The following MED25 variants were observed in gnomAD, a reference collection of about 807,000 sequenced individuals.
MED25 encodes the protein mediator of RNA polymerase II transcription subunit 25.
In MED25, 62 loss-of-function variants were observed where a neutral mutation model predicts 89.4. The observed-to-expected ratio is 0.69, with a 90% CI of 0.57 to 0.86. The LOEUF is 0.86. Among genes scored for constraint, MED25 ranks in the 40% least tolerant of loss-of-function variants. The pLI is 0.00. For synonymous variants in MED25, 449 were observed against 427.9 expected (o/e 1.05, Z -0.61); for missense variants, 905 against 1,005.2 (o/e 0.90, Z 1.35).
In MED25 at chr19:49,831,340, C is replaced by T. The variant is rs761899149; in HGVS notation, c.1109C>T (p.Thr370Ile). The T allele has an allele frequency of 6.0e-5, 97 of 1,611,244 alleles. No individual in the cohort carries two copies. The highest frequency in any genetic ancestry group is 8.1e-5 in the Non-Finnish European group (95 of 1,179,050). The stretch of plus-strand genomic sequence containing the variant: ...CTTCCTCCCCTCTGGCAGGCAGGCA[C>T]TGTGGCCCCAGGAGGGGTGAGCGGC... ...AQPGAPSMAG[T>I]VAPGGVSGPS... Residue 370 changes from threonine (T) to isoleucine (I), a missense_variant, in exon 10 of 18, where the codon ACT becomes ATT. By Grantham distance (89) the Thr-to-Ile change is moderately conservative. This residue lies in a region of MED25 where 501 missense variants were observed against 526.9 expected (regional missense o/e 0.95). Coordinates refer to ENST00000312865, the MANE Select transcript of MED25 (RefSeq NM_030973.4). This position sits in a 1 kb window ranked among gnomAD's most constrained non-coding sequence, Gnocchi z 5.0.
chr19:49,819,510 C>T, intron 3 of MED25: 1 of 578,154 alleles, frequency 1.7e-6, no homozygotes, highest in Non-Finnish European at 3.1e-6. Flanking sequence ...TGGGTTTGAG[C>T]TGCAGGAAAC....
chr19:49,820,648 A>T (rs763111578), intron 3 of MED25, among the ~76,000 whole-genome samples: 1 of 152,256 alleles, frequency 6.6e-6, no homozygotes, highest in Non-Finnish European at 1.5e-5. Flanking sequence ...TTTAGATAGT[A>T]TTATCAAGAC....
rs2073956532 is a variant in MED25 at position 49,818,626 on chromosome 19, G to C, written c.180+10G>C. The C allele has an allele frequency of 1.2e-6, 2 of 1,612,738 alleles. No homozygotes were observed. The highest frequency in any genetic ancestry group is 1.3e-5 in the African/African-American group (1 of 74,892). On this transcript the variant is annotated intron_variant, in intron 2 of 17. Transcript: ENST00000312865. ...GGACTTCGGGGGAGACGTGAGTCTAGGGACTCCTGGGCCTGAGGGAGGAGG... is the reference window on the plus strand; with the variant it reads ...GGACTTCGGGGGAGACGTGAGTCTACGGACTCCTGGGCCTGAGGGAGGAGG...
intron 3 of MED25, among the ~76,000 whole-genome samples, chr19:49,827,899 G>T (rs2074025865): frequency 6.6e-6 from 1 of 152,046 alleles, no homozygotes; most frequent in African/African-American, 2.4e-5. Context: ...GGGGTCCCCA[G>T]CCCTTTCCCA....
At chr19:49,819,362 TG>T (rs11361316) in intron 3 of MED25, 66 bp downstream of exon 3, 56,368 of 1,401,648 alleles carry the variant, frequency 0.04, 3,587 homozygotes, top group Non-Finnish European at 0.045. Context: ...AGTGATGGCT[TG>T]GGGTGGTTGG....
At position 49,836,483 on chromosome 19, in the gene MED25, T is replaced by C; in HGVS notation, c.2146+77T>C. On this transcript the variant is annotated intron_variant, in intron 17 of 17. Transcript: ENST00000312865. The surrounding 1 kb of genome is among the most constrained non-coding windows in gnomAD (Gnocchi z 5.1). ...CCTGGGCTAGAGCACCAAGACCGAG[T>C]GCTCCTGGGAAGTAAAGACATAGGA... is the stretch of plus-strand genomic sequence containing the variant. The C allele has an allele frequency of 6.7e-7, 1 of 1,497,978 alleles. No individual in the cohort carries two copies. Among genetic ancestry groups the C allele is most frequent in the Non-Finnish European group, 9.1e-7 (1 of 1,099,234 alleles). 92.8% of individuals were successfully genotyped at this position (1,497,978 alleles called of 1,614,324 possible). A position where few individuals can be genotyped will look rare whatever the true frequency, so the allele number is the denominator to read the frequency against.
At chr19:49,837,130 G>A (rs181676455), downstream of MED25, 699 of 654,774 alleles carry the variant, frequency 1.1e-3, 10 homozygotes, top group East Asian at 0.019. Context: ...GCAGTCTGGT[G>A]CAACCTGATT....
At position 49,836,963 on chromosome 19, in the gene MED25, A is replaced by G. The variant is rs1477765052; in HGVS notation, c.*19A>G. ...CATCTGAATCCCCAACACCCAATAAAGTTCCTTTTTAACACACGCCCCGGC... is the reference window on the plus strand; with the variant it reads ...CATCTGAATCCCCAACACCCAATAAGGTTCCTTTTTAACACACGCCCCGGC... On this transcript the variant is annotated 3_prime_UTR_variant, in exon 18 of 18. Coordinates refer to ENST00000312865, the MANE Select transcript of MED25 (RefSeq NM_030973.4). This position sits in a 1 kb window ranked among gnomAD's most constrained non-coding sequence, Gnocchi z 5.1. 6.2e-7 allele frequency: 1 copy of G among 1,601,318 alleles called. No individual in the cohort carries two copies. The highest frequency in any genetic ancestry group is 8.5e-7 in the Non-Finnish European group (1 of 1,170,790).
At chr19:49,838,625 A>G (rs1312873358), downstream of MED25, 3 of 457,384 alleles carry the variant, frequency 6.6e-6, no homozygotes, top group Non-Finnish European at 1.3e-5. Context: ...TTTCGAGAAA[A>G]ATGGGAGCGA....
chr19:49,827,327 T>C (rs570886561), intron 3 of MED25, among the ~76,000 whole-genome samples: 2 of 152,262 alleles, frequency 1.3e-5, no homozygotes, highest in Non-Finnish European at 2.9e-5. Context: ...GTGTGTTAGT[T>C]TCCCAGGCTG....
intron 3 of MED25, among the ~76,000 whole-genome samples, chr19:49,826,210 G>A (rs1253054916): frequency 1.3e-5 from 2 of 152,154 alleles, no homozygotes; most frequent in African/African-American, 4.8e-5. Context: ...GCGTGGTGGC[G>A]GGCACCTGTG....
At chr19:49,828,004 T>G (rs190245519) in intron 3 of MED25, among the ~76,000 whole-genome samples, 2 of 152,024 alleles carry the variant, frequency 1.3e-5, no homozygotes, top group Non-Finnish European at 2.9e-5. Flanking sequence ...CTGAGGCAAG[T>G]GGATCATGAG....
At chr19:49,837,605 T>A (rs2074108655), downstream of MED25, among the ~76,000 whole-genome samples, 1 of 151,532 alleles carries the variant, frequency 6.6e-6, no homozygotes, top group Non-Finnish European at 1.5e-5. Context: ...CCAGGAAAGG[T>A]GAGGCTGGGT....
chr19:49,826,266 G>A (rs1311824290), intron 3 of MED25, among the ~76,000 whole-genome samples: 2 of 152,322 alleles, frequency 1.3e-5, no homozygotes, highest in East Asian at 1.9e-4. Context: ...GCGTGAATCC[G>A]GGAGGCGGAG....
rs1408313838 is a variant in MED25 at position 49,829,962 on chromosome 19, A to T, written c.688+14A>T. The stretch of plus-strand genomic sequence containing the variant: ...TCGTGCTGCCTGGTGAGGCCTGGGC[A>T]CCGTGCGCGGGGATGGGGGCTCGAC... On this transcript the variant is annotated intron_variant, in intron 6 of 17. Coordinates refer to ENST00000312865, the MANE Select transcript of MED25 (RefSeq NM_030973.4). This position sits in a 1 kb window ranked among gnomAD's most constrained non-coding sequence, Gnocchi z 4.6. 6.2e-7 allele frequency: 1 copy of T among 1,607,112 alleles called. No homozygotes were observed. Among genetic ancestry groups the T allele is most frequent in the African/African-American group, 1.3e-5 (1 of 74,804 alleles).
rs184540539 is a variant in MED25 at position 49,822,763 on chromosome 19, T to G, written c.305+3467T>G. On this transcript the variant is annotated intron_variant, in intron 3 of 17. Transcript: ENST00000312865. ...CCCGAGTTCACGCCATTCTCCTGCC[T>G]CAGCCTCCTGAGTAGCTGGGACTAC... is the stretch of plus-strand genomic sequence containing the variant. Among the ~76,000 whole-genome samples, 60 of 145,028 alleles carry G rather than the reference T, an allele frequency of 4.1e-4. 1 individual carries two copies. The East Asian group carries it at 0.012, about 30-fold the overall frequency.
At position 49,829,025 on chromosome 19, in the gene MED25, C is replaced by A. The variant is rs760298498; in HGVS notation, c.460C>A (p.Pro154Thr). ...LICNSPPYLL[P>T]AVESTTYSGC... Reference sequence around the variant, plus strand: ...CTGCAACTCACCCCCATACTTGTTGCCTGCTGTTGAGAGCACCACGTACTC... The same window carrying A: ...CTGCAACTCACCCCCATACTTGTTGACTGCTGTTGAGAGCACCACGTACTC... Residue 154 changes from proline (P) to threonine (T), a missense_variant, in exon 5 of 18, where the codon CCT (proline) becomes ACT (threonine). Pro to Thr is a conservative substitution (Grantham distance 38, BLOSUM62 -1). Around this residue, in one of 3 missense-constraint regions of MED25, gnomAD observed 501 missense variants for 526.9 expected, o/e 0.95. Transcript: ENST00000312865. This position sits in a 1 kb window ranked among gnomAD's most constrained non-coding sequence, Gnocchi z 4.6. 14 of 1,614,102 alleles carry A rather than the reference C, an allele frequency of 8.7e-6. No individual in the cohort carries two copies. In the South Asian group the frequency reaches 1.4e-4, roughly 16 times the overall value.
chr19:49,828,928 C>G lies in MED25; in HGVS notation c.405-42C>G, dbSNP rs199551000. 80 of 1,612,786 alleles carry G rather than the reference C, an allele frequency of 5.0e-5. No homozygotes were observed. In the African/African-American group the frequency reaches 1.0e-3, roughly 21 times the overall value. ...CTGGGTCTGGGTTCCTTCTCAGGGC[C>G]TCTGTTGCTGCTGGCTCCATGTCTT... is the stretch of plus-strand genomic sequence containing the variant. On this transcript the variant is annotated intron_variant, in intron 4 of 17. Coordinates refer to ENST00000312865, the MANE Select transcript of MED25 (RefSeq NM_030973.4).
chr19:49,830,954 G>A lies in MED25; in HGVS notation c.1101+67G>A, dbSNP rs2074052452. ...CTGTCCACAGCTAGGACAGTTAGAG[G>A]ATGAGTCATTTGCCTTCCAGGGGGA... On this transcript the variant is annotated intron_variant, in intron 9 of 17. Transcript: ENST00000312865. This position sits in a 1 kb window ranked among gnomAD's most constrained non-coding sequence, Gnocchi z 4.6. 1 of 1,514,020 alleles carries A rather than the reference G, an allele frequency of 6.6e-7. No homozygotes were observed. Among genetic ancestry groups the A allele is most frequent in the Non-Finnish European group, 9.1e-7 (1 of 1,104,786 alleles). The allele number at this position is 1,514,020 out of a possible 1,614,324, so 93.8% of individuals were successfully genotyped here.
Sources: allele counts gnomAD v4.1 joint callset (sites outside exome capture counted in the v4.1 genomes callset), GRCh38; gene constraint gnomAD v4.1.1; regional missense constraint gnomAD v4.1.1; non-coding constraint Gnocchi (gnomAD v3.1); transcripts MANE v1.5; gene names NCBI Gene and HGNC (gene_info 2026-07-23, HGNC 2026-07-21).